Variants in THSD7A observed in about 807,000 individuals in gnomAD.
THSD7A encodes the protein thrombospondin type-1 domain-containing protein 7A.
In THSD7A, 96 loss-of-function variants were observed where a neutral mutation model predicts 231.3. The ratio of observed to expected loss-of-function variants is 0.41; its 90% CI spans 0.35 to 0.49. The LOEUF (loss-of-function observed/expected upper bound fraction) is 0.49, where lower values mean the gene tolerates loss of function less well. Among genes scored for constraint, THSD7A ranks in the 20% least tolerant of loss-of-function variants. The probability of loss-of-function intolerance (pLI) is 0.05; values close to 1 mark genes in which losing one functional copy is unlikely to be tolerated. For synonymous variants in THSD7A, 940 were observed against 743.3 expected (o/e 1.26, Z -4.30); for missense variants, 2,290 against 2,070.2 (o/e 1.11, Z -2.06).
At chr7:11,462,916 C>T (rs930392543) in intron 9 of THSD7A, among the ~76,000 whole-genome samples, 3 of 152,090 alleles carry the variant, frequency 2.0e-5, no homozygotes, top group South Asian at 2.1e-4. Context: ...GATCATGTAG[C>T]GTATAAAACT....
At chr7:11,795,695 C>T (rs1379235851) in intron 1 of THSD7A, among the ~76,000 whole-genome samples, 2 of 151,536 alleles carry the variant, frequency 1.3e-5, no homozygotes, top group African/African-American at 2.4e-5. Context: ...TTCTCTGCTC[C>T]CTTACGCTTC....
At chr7:11,799,521 T>A (rs1583300717) in intron 1 of THSD7A, among the ~76,000 whole-genome samples, 1 of 152,216 alleles carries the variant, frequency 6.6e-6, no homozygotes, top group Non-Finnish European at 1.5e-5. Flanking sequence ...TAAAAATGTA[T>A]CTTATTAGAA....
In THSD7A at chr7:11,417,460, T is replaced by G. The variant is rs193274980; in HGVS notation, c.3527A>C (p.Gln1176Pro). The change falls in exon 17 of 28, where the codon CAA becomes CCA. Residue 1176 changes from glutamine to proline, a missense_variant. Physicochemically the swap from Gln to Pro is moderately conservative, Grantham distance 76 (BLOSUM62 -1). Coordinates refer to ENST00000423059, the MANE Select transcript of THSD7A (RefSeq NM_015204.3). Reference sequence around the variant, plus strand: ...GGTTAATCATCTCACCAAAACACATTGGGTCCATGGACCCCATTCAGATAT... The same window carrying G: ...GGTTAATCATCTCACCAAAACACATGGGGTCCATGGACCCCATTCAGATAT... Reference protein sequence around the residue: ...CVISEWGPWTQCVLPCNQSSF... With the variant: ...CVISEWGPWTPCVLPCNQSSF... 3.1e-6 allele frequency: 5 copies of G among 1,597,380 alleles called. No individual in the cohort carries two copies. In the Admixed American group the frequency reaches 9.1e-5, roughly 29 times the overall value.
intron 7 of THSD7A, among the ~76,000 whole-genome samples, chr7:11,480,226 C>A (rs748595296): frequency 2.6e-5 from 4 of 152,164 alleles, no homozygotes; most frequent in Non-Finnish European, 5.9e-5. Flanking sequence ...AGAGCAATCA[C>A]AAATTTCTGC....
chr7:11,450,143 C>T (rs1200120184), intron 11 of THSD7A, among the ~76,000 whole-genome samples: 1 of 151,966 alleles, frequency 6.6e-6, no homozygotes, highest in Non-Finnish European at 1.5e-5. Context: ...TTCAGAATTG[C>T]TCCAACCATT....
intron 1 of THSD7A, among the ~76,000 whole-genome samples, chr7:11,784,132 A>G (rs141974806): frequency 3.5e-4 from 54 of 152,136 alleles, no homozygotes; most frequent in African/African-American, 1.1e-3. Context: ...TAATTTCTCT[A>G]TAAGCTATTA....
In THSD7A at chr7:11,372,822, A is replaced by G. The variant is rs937488574; in HGVS notation, c.*2972T>C. The G allele has an allele frequency of 6.6e-6, 1 of 152,070 alleles. No individual in the cohort carries two copies. Among genetic ancestry groups the G allele is most frequent in the Non-Finnish European group, 1.5e-5 (1 of 67,980 alleles). The allele number at this position is 152,070 out of a possible 1,614,324, so 9.4% of individuals were successfully genotyped here. ...TAAGGTTTTGATGAAATTCCAATAA[A>G]ATATTTAACTCATTATTGTCTCATG... On this transcript the variant is annotated 3_prime_UTR_variant, in exon 28 of 28. Coordinates refer to ENST00000423059, the MANE Select transcript of THSD7A (RefSeq NM_015204.3).
At chr7:11,795,293 G>C (rs747499430) in intron 1 of THSD7A, among the ~76,000 whole-genome samples, 23 of 151,754 alleles carry the variant, frequency 1.5e-4, no homozygotes, top group Non-Finnish European at 1.0e-4. Flanking sequence ...TCATTTTAGA[G>C]AGAAAAAATA....
At chr7:11,405,786 T>G (rs1444791789) in intron 22 of THSD7A, among the ~76,000 whole-genome samples, 1 of 152,226 alleles carries the variant, frequency 6.6e-6, no homozygotes, top group Admixed American at 6.5e-5. Flanking sequence ...TCTGTTATTT[T>G]CTTACTGAAG....
chr7:11,405,871 C>T (rs974464948), intron 22 of THSD7A, among the ~76,000 whole-genome samples: 1 of 151,862 alleles, frequency 6.6e-6, no homozygotes, highest in Non-Finnish European at 1.5e-5. Flanking sequence ...TTCATTCTAC[C>T]CTGGACCCAG....
intron 6 of THSD7A, among the ~76,000 whole-genome samples, chr7:11,505,935 T>G (rs1787526548): frequency 6.6e-6 from 1 of 152,092 alleles, no homozygotes; most frequent in Admixed American, 6.5e-5. Flanking sequence ...AATCTAAGAG[T>G]GCTTTGCAAA....
chr7:11,777,993 CAAA>C (rs34060229), intron 1 of THSD7A, among the ~76,000 whole-genome samples: 1 of 134,212 alleles, frequency 7.5e-6, no homozygotes, highest in Non-Finnish European at 1.6e-5. Flanking sequence ...ACTAAAAATA[CAAA>C]AAAAAAAAAA....
At chr7:11,802,549 G>A (rs565059915) in intron 1 of THSD7A, among the ~76,000 whole-genome samples, 1 of 152,138 alleles carries the variant, frequency 6.6e-6, no homozygotes. Context: ...ATAAATAACA[G>A]AGAAGGATAG....
chr7:11,820,706 G>T, intron 1 of THSD7A: 1 of 957,900 alleles, frequency 1.0e-6, no homozygotes, highest in East Asian at 2.4e-5. Flanking sequence ...CTCAAAGCCC[G>T]TGGAGCTCTC....
chr7:11,623,352 G>C (rs979494242), intron 2 of THSD7A, among the ~76,000 whole-genome samples: 13 of 152,028 alleles, frequency 8.6e-5, no homozygotes, highest in African/African-American at 3.1e-4. Flanking sequence ...ATGACCCTGG[G>C]GGTGAGTGCC....
intron 1 of THSD7A, among the ~76,000 whole-genome samples, chr7:11,672,993 A>G (rs988485881): frequency 8.5e-5 from 13 of 152,228 alleles, no homozygotes; most frequent in Admixed American, 5.2e-4. Context: ...CAAGATGGCC[A>G]ACTAGAAGCA....
rs184285827 is a variant in THSD7A at position 11,405,223 on chromosome 7, C to T, written c.4237+1077G>A. On this transcript the variant is annotated intron_variant, in intron 22 of 27. Coordinates refer to ENST00000423059, the MANE Select transcript of THSD7A (RefSeq NM_015204.3). ...AAATAGCTAGCCCATGTCAGTTTTT[C>T]CAGGTTTTAGGGACTCAATCCCATT... Among the ~76,000 whole-genome samples, 824 of 148,786 alleles carry T rather than the reference C, an allele frequency of 5.5e-3. 11 individuals are homozygous for T. Among genetic ancestry groups the T allele is most frequent in the African/African-American group, 0.019 (783 of 40,256 alleles).
intron 1 of THSD7A, among the ~76,000 whole-genome samples, chr7:11,778,437 T>A (rs1783510165): frequency 1.3e-5 from 2 of 152,122 alleles, no homozygotes; most frequent in Admixed American, 1.3e-4. Context: ...TATATATTTT[T>A]AATGAATTGT....
intron 1 of THSD7A, among the ~76,000 whole-genome samples, chr7:11,765,187 A>T (rs978185537): frequency 6.6e-6 from 1 of 152,226 alleles, no homozygotes; most frequent in African/African-American, 2.4e-5. Flanking sequence ...TAGTTCAGGG[A>T]CTTATTTAAA....
Sources: allele counts gnomAD v4.1 joint callset (sites outside exome capture counted in the v4.1 genomes callset), GRCh38; gene constraint gnomAD v4.1.1; transcripts MANE v1.5; gene names NCBI Gene and HGNC (gene_info 2026-07-23, HGNC 2026-07-21).